ZC3H12B: variants seen among roughly 807,000 people sequenced by gnomAD.
ZC3H12B encodes the protein probable ribonuclease ZC3H12B.
Under a neutral mutation model 43.9 loss-of-function variants are expected in ZC3H12B, and 7 were observed. The ratio of observed to expected loss-of-function variants is 0.16; its 90% CI spans 0.09 to 0.30. The LOEUF is 0.30. Ranked by LOEUF, ZC3H12B falls within the 10% of genes least tolerant of loss-of-function variation. ZC3H12B has a pLI of 1.00. For missense variants in ZC3H12B, 475 were observed against 670.2 expected (o/e 0.71, Z 3.22); for synonymous variants, 222 against 241.7 (o/e 0.92, Z 0.76).
chrX:65,370,426 G>T (rs1230537483), intron 2 of ZC3H12B, among the ~76,000 whole-genome samples: 1 of 111,392 alleles, frequency 9.0e-6, no homozygotes, highest in African/African-American at 3.3e-5. Flanking sequence ...TCATATATTT[G>T]TTGTGAAAAT....
the ZC3H12B span, among the ~76,000 whole-genome samples, chrX:65,289,998 C>A: frequency 9.0e-6 from 1 of 110,576 alleles, no homozygotes; most frequent in Non-Finnish European, 1.9e-5. Context: ...AACTAAAAAG[C>A]TTCTATGTAG....
At chrX:65,370,709 G>C (rs1012113717) in intron 2 of ZC3H12B, among the ~76,000 whole-genome samples, 5 of 111,925 alleles carry the variant, frequency 4.5e-5, no homozygotes, top group African/African-American at 1.3e-4. Context: ...AAGGTAAAAT[G>C]TGTGAAAGAA....
At chrX:65,394,348 G>A (rs1348619150) in intron 2 of ZC3H12B, among the ~76,000 whole-genome samples, 3 of 112,563 alleles carry the variant, frequency 2.7e-5, no homozygotes, top group Non-Finnish European at 5.6e-5. Flanking sequence ...TTACATTTAA[G>A]TCTTTAATCC....
At chrX:65,376,097 A>G (rs2066342334) in intron 2 of ZC3H12B, among the ~76,000 whole-genome samples, 1 of 111,864 alleles carries the variant, frequency 8.9e-6, no homozygotes, top group African/African-American at 3.3e-5. Flanking sequence ...GCCTGGCAAC[A>G]TTCACCACAT....
the ZC3H12B span, among the ~76,000 whole-genome samples, chrX:65,118,944 C>A: frequency 5.5e-5 from 6 of 109,728 alleles, no homozygotes; most frequent in African/African-American, 2.0e-4. Context: ...ATGATGGTTT[C>A]CAGCTTCATC....
chrX:65,105,720 GGTA>G, the ZC3H12B span, among the ~76,000 whole-genome samples: 1 of 111,745 alleles, frequency 8.9e-6, no homozygotes, highest in Non-Finnish European at 1.9e-5. Context: ...TGCCTGAGGA[GGTA>G]GTAGGGGTAG....
chrX:65,457,709 T>C (rs1182055535), intron 3 of ZC3H12B, among the ~76,000 whole-genome samples: 1 of 68,717 alleles, frequency 1.5e-5, no homozygotes, highest in Non-Finnish European at 2.3e-5. Context: ...CTTTTCATTT[T>C]GTTCTGTACT....
the ZC3H12B span, among the ~76,000 whole-genome samples, chrX:65,108,502 C>G: frequency 1.8e-5 from 2 of 109,905 alleles, no homozygotes; most frequent in African/African-American, 6.6e-5. Flanking sequence ...CAATATCACT[C>G]TCTTCTACTT....
the ZC3H12B span, among the ~76,000 whole-genome samples, chrX:65,177,143 T>C: frequency 8.9e-6 from 1 of 112,305 alleles, no homozygotes; most frequent in Admixed American, 9.5e-5. Flanking sequence ...GCATTAAACA[T>C]AATCCATCAC....
the ZC3H12B span, among the ~76,000 whole-genome samples, chrX:65,052,453 C>T: frequency 3.0e-3 from 333 of 110,209 alleles, 9 homozygotes; most frequent in Admixed American, 0.029. Context: ...TAAACATACC[C>T]ACCTCCCCCC....
chrX:65,499,445 A>G lies in ZC3H12B; in HGVS notation c.983+212A>G. 3 of 384,810 alleles carry G rather than the reference A, an allele frequency of 7.8e-6. No individual in the cohort carries two copies. The East Asian group carries it at 1.2e-4, about 16-fold the overall frequency. 31.7% of individuals were successfully genotyped at this position (384,810 alleles called of 1,213,427 possible). A position where few individuals can be genotyped will look rare whatever the true frequency, so the allele number is the denominator to read the frequency against. ...ACCACAATGTTTTGTTATAAGAGCT[A>G]CAGTTAAAATTTGTTTTTTAAAAAT... On this transcript the variant is annotated intron_variant, in intron 3 of 4. Transcript: ENST00000338957.
chrX:65,269,510 TA>T, the ZC3H12B span, among the ~76,000 whole-genome samples: 1,760 of 111,085 alleles, frequency 0.016, 44 homozygotes, highest in African/African-American at 0.055. Flanking sequence ...TTTTTATTAT[TA>T]TTTTTTTTGA....
chrX:65,151,564 T>C, the ZC3H12B span, among the ~76,000 whole-genome samples: 2 of 111,915 alleles, frequency 1.8e-5, no homozygotes, highest in Non-Finnish European at 3.8e-5. Flanking sequence ...ATCTAGCAAT[T>C]CCCCTAATCT....
intron 3 of ZC3H12B, among the ~76,000 whole-genome samples, chrX:65,480,544 G>A (rs2068049860): frequency 8.9e-6 from 1 of 112,160 alleles, no homozygotes; most frequent in Non-Finnish European, 1.9e-5. Flanking sequence ...GTATGCCAGA[G>A]GCTATAAGAG....
At chrX:65,416,577 C>A (rs1265181992) in intron 3 of ZC3H12B, among the ~76,000 whole-genome samples, 1 of 106,914 alleles carries the variant, frequency 9.4e-6, no homozygotes, top group Non-Finnish European at 1.9e-5. Flanking sequence ...GTCAGGAGAT[C>A]GAGACCATCC....
chrX:65,247,865 G>A, the ZC3H12B span, among the ~76,000 whole-genome samples: 3 of 111,908 alleles, frequency 2.7e-5, no homozygotes, highest in Non-Finnish European at 5.6e-5. Context: ...TGTACTTGTA[G>A]CCTTGAAATT....
chrX:65,088,712 C>A, the ZC3H12B span, among the ~76,000 whole-genome samples: 1 of 111,684 alleles, frequency 9.0e-6, no homozygotes, highest in East Asian at 2.8e-4. Flanking sequence ...TCTAATTCCT[C>A]TTCTACCTGA....
At chrX:65,141,722 A>G in the ZC3H12B span, among the ~76,000 whole-genome samples, 2 of 110,436 alleles carry the variant, frequency 1.8e-5, no homozygotes, top group Non-Finnish European at 3.8e-5. Flanking sequence ...ATGCCTTTAC[A>G]TCCTCATAGC....
the ZC3H12B span, among the ~76,000 whole-genome samples, chrX:65,067,140 G>C: frequency 9.1e-6 from 1 of 109,680 alleles, no homozygotes; most frequent in African/African-American, 3.4e-5. Flanking sequence ...CCTTTCCAGA[G>C]GAGTGAATTG....
Sources: allele counts gnomAD v4.1 joint callset (sites outside exome capture counted in the v4.1 genomes callset), GRCh38; gene constraint gnomAD v4.1.1; transcripts MANE v1.5; gene names NCBI Gene and HGNC (gene_info 2026-07-23, HGNC 2026-07-21).